Variants in CAPZB observed in about 807,000 individuals in gnomAD.
The protein encoded by CAPZB is F-actin-capping protein subunit beta.
Under a neutral mutation model 38.1 loss-of-function variants are expected in CAPZB, and 2 were observed. That is an observed-to-expected ratio of 0.05 (90% CI 0.02 to 0.17). The LOEUF (loss-of-function observed/expected upper bound fraction) is 0.17, where lower values mean the gene tolerates loss of function less well. Among genes scored for constraint, CAPZB ranks in the 10% least tolerant of loss-of-function variants. The pLI, the probability that CAPZB is intolerant of heterozygous loss-of-function variation, is 1.00. For synonymous variants in CAPZB, 107 were observed against 127.4 expected (o/e 0.84, Z 1.08); for missense variants, 161 against 334.2 (o/e 0.48, Z 4.04).
chr1:19,356,858 T>TA lies in CAPZB; in HGVS notation c.472-108dup. 1.4e-6 allele frequency: 1 copy of TA among 720,340 alleles called. No homozygotes were observed. Among genetic ancestry groups the TA allele is most frequent in the Non-Finnish European group, 2.4e-6 (1 of 422,984 alleles). The allele number at this position is 720,340 out of a possible 1,614,324, so 44.6% of individuals were successfully genotyped here. A position where few individuals can be genotyped will look rare whatever the true frequency, so the allele number is the denominator to read the frequency against. ...CCTTCCTAGGTCATTATCACAATAT[T>TA]ACCTTTTTTTTTTTTAAATTGGAGA... On this transcript the variant is annotated intron_variant, in intron 5 of 8. Transcript: ENST00000264202. This position sits in a 1 kb window ranked among gnomAD's most constrained non-coding sequence, Gnocchi z 4.3.
At position 19,356,833 on chromosome 1, in the gene CAPZB, C is replaced by T. The variant is rs1383700859; in HGVS notation, c.472-82G>A. 2 of 815,078 alleles carry T rather than the reference C, an allele frequency of 2.5e-6. No individual in the cohort carries two copies. The highest frequency in any genetic ancestry group is 2.1e-6 in the Non-Finnish European group (1 of 487,678). 50.5% of individuals were successfully genotyped at this position (815,078 alleles called of 1,614,324 possible). A position where few individuals can be genotyped will look rare whatever the true frequency, so the allele number is the denominator to read the frequency against. On this transcript the variant is annotated intron_variant, in intron 5 of 8. Coordinates refer to ENST00000264202, the MANE Select transcript of CAPZB (RefSeq NM_004930.5). The surrounding 1 kb of genome is among the most constrained non-coding windows in gnomAD (Gnocchi z 4.3). ...GAATTCAGGGTCATCCTAACATCTC[C>T]CTTCCTAGGTCATTATCACAATATT...
At chr1:19,403,595 G>A (rs1570150733) in intron 2 of CAPZB, among the ~76,000 whole-genome samples, 1 of 152,246 alleles carries the variant, frequency 6.6e-6, no homozygotes, top group African/African-American at 2.4e-5. Context: ...AGTCATTAAG[G>A]GACATTATCC....
At chr1:19,397,131 T>G (rs1206771365) in intron 2 of CAPZB, among the ~76,000 whole-genome samples, 1 of 152,192 alleles carries the variant, frequency 6.6e-6, no homozygotes, top group Non-Finnish European at 1.5e-5. Context: ...AAAAGATACA[T>G]AGTGAAACCA....
intron 6 of CAPZB, among the ~76,000 whole-genome samples, chr1:19,346,228 T>G (rs913723387): frequency 4.0e-5 from 6 of 151,876 alleles, no homozygotes; most frequent in Non-Finnish European, 8.8e-5. Context: ...CTAATGTTGT[T>G]GAAATAAAAT....
chr1:19,400,020 T>A (rs1023095744), intron 2 of CAPZB, among the ~76,000 whole-genome samples: 1 of 152,188 alleles, frequency 6.6e-6, no homozygotes, highest in Non-Finnish European at 1.5e-5. Context: ...AGGAAAAGGC[T>A]TGGAACCCAT....
chr1:19,339,670 G>A (rs766096034), intron 8 of CAPZB, 53 bp from the exon 9 acceptor site: 6 of 1,371,894 alleles, frequency 4.4e-6, no homozygotes, highest in African/African-American at 1.4e-5. Context: ...TGGTGAGGCG[G>A]TGGAGGCCTG....
At chr1:19,374,895 T>C (rs1204559073) in intron 4 of CAPZB, among the ~76,000 whole-genome samples, 1 of 152,186 alleles carries the variant, frequency 6.6e-6, no homozygotes. Context: ...AGTGTTTGTA[T>C]GGGGAAGGGC....
intron 4 of CAPZB, chr1:19,374,376 G>C (rs1019228506): frequency 2.0e-5 from 3 of 152,226 alleles, no homozygotes; most frequent in African/African-American, 7.2e-5. Context: ...CATTCGATGG[G>C]GTTGGTGGTC....
intron 1 of CAPZB, among the ~76,000 whole-genome samples, chr1:19,482,084 G>A (rs1276148036): frequency 6.6e-6 from 1 of 152,180 alleles, no homozygotes; most frequent in African/African-American, 2.4e-5. Context: ...TAACGGGCGA[G>A]GCACCTGCCC....
At chr1:19,421,885 G>T (rs1433698803) in intron 1 of CAPZB, among the ~76,000 whole-genome samples, 3 of 152,160 alleles carry the variant, frequency 2.0e-5, no homozygotes, top group African/African-American at 2.4e-5. Flanking sequence ...GGGATATTGA[G>T]TGCATACAAA....
At chr1:19,359,416 TCCA>T (rs2094040727) in intron 4 of CAPZB, among the ~76,000 whole-genome samples, 1 of 152,048 alleles carries the variant, frequency 6.6e-6, no homozygotes, top group Non-Finnish European at 1.5e-5. Context: ...CTGCGGAGCA[TCCA>T]GGGGGCCGAT....
rs1009621945 is a variant in CAPZB at position 19,424,013 on chromosome 1, T to C, written c.4-4263A>G. ...TTTTTGTAGAGATGGGGTTTTGCTA[T>C]GTTGCCCAGGCTGGTCTCAAAGTCC... On this transcript the variant is annotated intron_variant, in intron 1 of 8. Transcript: ENST00000264202. 6.6e-5 allele frequency among the ~76,000 whole-genome samples: 10 copies of C among 152,164 alleles called. No homozygotes were observed. The East Asian group carries it at 7.7e-4, about 12-fold the overall frequency.
Position 19,389,377 on chromosome 1 carries a change from C to T in CAPZB, c.94-3751G>A, listed in dbSNP as rs368999655. 2.1e-4 allele frequency among the ~76,000 whole-genome samples: 32 copies of T among 152,236 alleles called. 1 individual carries two copies. The highest frequency in any genetic ancestry group is 7.5e-4 in the African/African-American group (31 of 41,534). On this transcript the variant is annotated intron_variant, in intron 2 of 8. Coordinates refer to ENST00000264202, the MANE Select transcript of CAPZB (RefSeq NM_004930.5). ...CAGTTCAGTCTGAATTTCAGATACA[C>T]AATGAATAACATTTTAGTATGACTA...
chr1:19,447,386 ATTTTTTT>A (rs61113781), intron 1 of CAPZB, among the ~76,000 whole-genome samples: 3 of 115,200 alleles, frequency 2.6e-5, no homozygotes, highest in Admixed American at 9.7e-5. Flanking sequence ...CATCCAGCTA[ATTTTTTT>A]TTTTTTTTTT....
chr1:19,358,240 C>T (rs2094032566), intron 4 of CAPZB, among the ~76,000 whole-genome samples: 1 of 152,226 alleles, frequency 6.6e-6, no homozygotes, highest in Admixed American at 6.5e-5. Flanking sequence ...CAGGTTCAAA[C>T]GATTCTCCTG....
At chr1:19,483,033 C>T (rs550679529) in intron 1 of CAPZB, among the ~76,000 whole-genome samples, 30 of 152,310 alleles carry the variant, frequency 2.0e-4, no homozygotes, top group Admixed American at 1.4e-3. Context: ...TTTCTTCCAA[C>T]GCCAGGTGCT....
chr1:19,421,713 C>T (rs966049376), intron 1 of CAPZB, among the ~76,000 whole-genome samples: 2 of 152,270 alleles, frequency 1.3e-5, no homozygotes, highest in African/African-American at 4.8e-5. Flanking sequence ...ATTCCCAATA[C>T]TGCCATTCAT....
At chr1:19,359,085 T>A (rs1189953215) in intron 4 of CAPZB, among the ~76,000 whole-genome samples, 2 of 152,064 alleles carry the variant, frequency 1.3e-5, no homozygotes, top group African/African-American at 4.8e-5. Context: ...GCCAAACGGT[T>A]AATGTAAAAT....
Position 19,338,961 on chromosome 1 carries a change from G to GCCCCCCCCCCCCCCC in CAPZB, c.*568_*569insGGGGGGGGGGGGGGG, listed in dbSNP as rs1375213240. 6.7e-6 allele frequency: 1 copy of GCCCCCCCCCCCCCCC among 149,182 alleles called. No homozygotes were observed. The highest frequency in any genetic ancestry group is 2.5e-5 in the African/African-American group (1 of 40,636). 9.2% of individuals were successfully genotyped at this position (149,182 alleles called of 1,614,324 possible). A position where few individuals can be genotyped will look rare whatever the true frequency, so the allele number is the denominator to read the frequency against. On this transcript the variant is annotated 3_prime_UTR_variant, in exon 9 of 9. Coordinates refer to ENST00000264202, the MANE Select transcript of CAPZB (RefSeq NM_004930.5). ...GGCCGGAAGAGCGGAACGGTCGGCG[G>GCCCCCCCCCCCCCCC]CACCCCCCCCAGCCCCCACCCCGCG...
Sources: gnomAD v4.1 joint callset for allele counts (sites outside exome capture counted in the v4.1 genomes callset) on GRCh38, gnomAD v4.1.1 for gene constraint, Gnocchi (gnomAD v3.1) non-coding constraint, MANE v1.5 for transcripts, NCBI Gene and HGNC (gene_info 2026-07-23, HGNC 2026-07-21) for gene names.